Variants in LRIG2 observed in about 807,000 individuals in gnomAD.
LRIG2 encodes the protein leucine rich repeats and immunoglobulin like domains 2.
Under a neutral mutation model 107.8 loss-of-function variants are expected in LRIG2, and 93 were observed. The ratio of observed to expected loss-of-function variants is 0.86; its 90% CI spans 0.73 to 1.03. LRIG2 has a LOEUF of 1.03. LRIG2 is among the 50% of genes least tolerant of loss of function. LRIG2 has a pLI of 0.00. For synonymous variants in LRIG2, 471 were observed against 470.6 expected (o/e 1.00, Z -0.01); for missense variants, 1,226 against 1,296.0 (o/e 0.95, Z 0.83).
chr1:113,117,487 CT>C (rs374663427), intron 16 of LRIG2, among the ~76,000 whole-genome samples: 1 of 151,864 alleles, frequency 6.6e-6, no homozygotes, highest in Non-Finnish European at 1.5e-5. Flanking sequence ...AGTTCTGACT[CT>C]TTTTTTTGTT....
intron 1 of LRIG2, among the ~76,000 whole-genome samples, chr1:113,074,130 C>A (rs1251658150): frequency 6.6e-6 from 1 of 152,058 alleles, no homozygotes; most frequent in Non-Finnish European, 1.5e-5. Flanking sequence ...GTCCTTAGTT[C>A]GCATGTTGGC....
At chr1:113,109,926 C>T (rs1362928159) in intron 12 of LRIG2, among the ~76,000 whole-genome samples, 1 of 152,112 alleles carries the variant, frequency 6.6e-6, no homozygotes, top group Non-Finnish European at 1.5e-5. Context: ...ACTGATAATG[C>T]TTGAGAAATA....
intron 16 of LRIG2, among the ~76,000 whole-genome samples, chr1:113,118,809 T>C (rs549897088): frequency 6.6e-6 from 1 of 152,186 alleles, no homozygotes; most frequent in South Asian, 2.1e-4. Context: ...GGACTACCGG[T>C]GCACGCCACC....
At chr1:113,086,994 A>G (rs1375370168) in intron 1 of LRIG2, among the ~76,000 whole-genome samples, 1 of 152,224 alleles carries the variant, frequency 6.6e-6, no homozygotes, top group African/African-American at 2.4e-5. Context: ...AACAGAATAA[A>G]TTAGCTGGGC....
rs1654060809 is a variant in LRIG2, at chr1:113,096,252, G to A, written c.978G>A (p.Leu326=). The change falls in exon 8 of 18, where the codon CTG becomes CTA. Residue 326 remains leucine (L), a synonymous_variant. Coordinates refer to ENST00000361127, the MANE Select transcript of LRIG2 (RefSeq NM_014813.3). ...TGTCCTATAACCAGCTGACCCGCCT[G>A]GATGAATCTGCCTTTGTGGGTCTGA... The part of the protein sequence containing the change: ...LDLSYNQLTR[L]DESAFVGLSL... The A allele has an allele frequency of 3.1e-6, 5 of 1,614,146 alleles. No homozygotes were observed. In the East Asian group the frequency reaches 8.9e-5, roughly 29 times the overall value.
In LRIG2 at chr1:113,110,427, G is replaced by C. The variant is rs1380349003; in HGVS notation, c.1663G>C (p.Ala555Pro). 1 of 1,614,072 alleles carries C rather than the reference G, an allele frequency of 6.2e-7. No individual in the cohort carries two copies. Among genetic ancestry groups the C allele is most frequent in the Non-Finnish European group, 8.5e-7 (1 of 1,180,028 alleles). ...TENFVRYWQQ[A>P]GEALEYTSIL... ...GAATTTTGTTCGTTATTGGCAGCAA[G>C]CTGGAGAAGCTCTGGAATATACTAG... The change falls in exon 13 of 18, where the codon GCT (alanine) becomes CCT (proline). Residue 555 changes from alanine (A) to proline (P), a missense_variant. Physicochemically the swap from Ala to Pro is conservative, Grantham distance 27. This residue lies in a region of LRIG2 where 642 missense variants were observed against 712.2 expected (regional missense o/e 0.90). Transcript: ENST00000361127.
At chr1:113,112,875 A>G in intron 14 of LRIG2, 115 bp downstream of exon 14, 1 of 1,023,902 alleles carries the variant, frequency 9.8e-7, no homozygotes, top group Non-Finnish European at 1.4e-6. Flanking sequence ...TTAGATCTTT[A>G]TCTTATTTCA....
At chr1:113,115,291 T>C (rs1654956039) in intron 15 of LRIG2, among the ~76,000 whole-genome samples, 1 of 152,328 alleles carries the variant, frequency 6.6e-6, no homozygotes, top group African/African-American at 2.4e-5. Flanking sequence ...CATGGCTCAC[T>C]GCAGCGTTGA....
rs769970030 is a variant in LRIG2, at chr1:113,119,396, A to T, written c.2844A>T (p.Val948=). 1.9e-6 allele frequency: 3 copies of T among 1,614,106 alleles called. No individual in the cohort carries two copies. Among genetic ancestry groups the T allele is most frequent in the Non-Finnish European group, 2.5e-6 (3 of 1,180,036 alleles). Residue 948 remains valine (V), a synonymous_variant, in exon 17 of 18, where the codon GTA becomes GTT. Transcript: ENST00000361127. ...AAATGCCTAAAGAGACATATTTAGT[A>T]CATCCTCCCCAGGATACTACTGCCC... ...MVQMPKETYL[V]HPPQDTTALE...
rs1654046534 is a variant in LRIG2 at position 113,095,958 on chromosome 1, G to A, written c.888G>A (p.Gln296=). 1.9e-6 allele frequency: 3 copies of A among 1,614,218 alleles called. No individual in the cohort carries two copies. The highest frequency in any genetic ancestry group is 1.6e-4 in the Middle Eastern group (1 of 6,062). ...TGTTACAGCAGCTCTATGTGAGCCA[G>A]AATGCTATTGAAAGAATCAGCCCTG... ...LRMLQQLYVS[Q]NAIERISPDA... Residue 296 remains glutamine, a synonymous_variant, in exon 7 of 18, where the codon CAG becomes CAA. Coordinates refer to ENST00000361127, the MANE Select transcript of LRIG2 (RefSeq NM_014813.3).
chr1:113,101,140 G>A (rs1163426581), intron 11 of LRIG2, among the ~76,000 whole-genome samples: 3 of 151,904 alleles, frequency 2.0e-5, no homozygotes, highest in Non-Finnish European at 2.9e-5. Context: ...GTGCGATCTC[G>A]GCCCACTGCA....
intron 1 of LRIG2, among the ~76,000 whole-genome samples, chr1:113,088,965 C>A (rs187616902): frequency 6.6e-4 from 101 of 152,182 alleles, no homozygotes; most frequent in African/African-American, 2.0e-3. Flanking sequence ...TGAGCTGATA[C>A]CTTGTGCCAG....
rs1201823834 is a variant in LRIG2, at chr1:113,073,664, CAG to C, written c.239+22_239+23del. 3 of 1,597,790 alleles carry C rather than the reference CAG, an allele frequency of 1.9e-6. No homozygotes were observed. Among genetic ancestry groups the C allele is most frequent in the South Asian group, 1.1e-5 (1 of 90,616 alleles). On this transcript the variant is annotated intron_variant, in intron 1 of 17. Transcript: ENST00000361127. ...CTATCCTGTGAGTAGAGCGGCCAGG[CAG>C]AGTGACCAAAAGGAGGGGGAGCCTT...
rs139313157 is a variant in LRIG2 at position 113,112,671 on chromosome 1, A to T, written c.1991A>T (p.Asn664Ile). Residue 664 changes from asparagine (N) to isoleucine (I), a missense_variant, in exon 14 of 18, where the codon AAT becomes ATT. Physicochemically the swap from Asn to Ile is moderately radical, Grantham distance 149. Transcript: ENST00000361127. ...GAGGATGACGTCTTCTTTATTGCCA[A>T]TGTGAAAATAGAAGATATGGGAATC... Reference protein sequence around the residue: ...MPEDDVFFIANVKIEDMGIYS... With the variant: ...MPEDDVFFIAIVKIEDMGIYS... 6.2e-7 allele frequency: 1 copy of T among 1,614,096 alleles called. No individual in the cohort carries two copies. Among genetic ancestry groups the T allele is most frequent in the Non-Finnish European group, 8.5e-7 (1 of 1,179,984 alleles).
chr1:113,122,146 G>A (rs1216797), intron 17 of LRIG2, among the ~76,000 whole-genome samples: 115,204 of 147,716 alleles, frequency 0.78, 45,786 homozygotes, highest in East Asian at 0.94. Flanking sequence ...GCAGTGGCAC[G>A]ATCTCGGCTC....
intron 12 of LRIG2, among the ~76,000 whole-genome samples, chr1:113,108,955 C>T (rs61817894): frequency 0.11 from 16,252 of 152,100 alleles, 1,179 homozygotes; most frequent in East Asian, 0.21. Flanking sequence ...ATCAGTGTAT[C>T]TATGTTGGAT....
At position 113,127,380 on chromosome 1, in the gene LRIG2, G is replaced by GCTTT. The variant is rs1409248668; in HGVS notation, c.*3280_*3283dup. ...GATTACAGGCACACCACCATTTCCA[G>GCTTT]CTTTTTTTTTTTTTTTTTTTTTGAT... On this transcript the variant is annotated 3_prime_UTR_variant, in exon 18 of 18. Transcript: ENST00000361127. The GCTTT allele has an allele frequency of 1.0e-4, 7 of 70,172 alleles. No individual in the cohort carries two copies. The highest frequency in any genetic ancestry group is 3.3e-4 in the African/African-American group (7 of 21,528). 4.3% of individuals were successfully genotyped at this position (70,172 alleles called of 1,614,324 possible).
intron 1 of LRIG2, among the ~76,000 whole-genome samples, chr1:113,083,612 C>T (rs1182765009): frequency 6.6e-6 from 1 of 151,718 alleles, no homozygotes; most frequent in Admixed American, 6.6e-5. Flanking sequence ...ATCCAAAGTG[C>T]TGGGATTACA....
At position 113,096,372 on chromosome 1, in the gene LRIG2, A is replaced by G; in HGVS notation, c.1091+7A>G. 6.2e-7 allele frequency: 1 copy of G among 1,608,268 alleles called. No homozygotes were observed. Among genetic ancestry groups the G allele is most frequent in the Non-Finnish European group, 8.5e-7 (1 of 1,178,172 alleles). ...TTTCCAATCTTCAGACATTGTAAGTATATCCATTCTCCTTTTTGGTTGTTG... is the reference window on the plus strand; with the variant it reads ...TTTCCAATCTTCAGACATTGTAAGTGTATCCATTCTCCTTTTTGGTTGTTG... On this transcript the variant is annotated splice_region_variant and intron_variant, in intron 8 of 17. Coordinates refer to ENST00000361127, the MANE Select transcript of LRIG2 (RefSeq NM_014813.3).
Sources: gnomAD v4.1 joint callset for allele counts (sites outside exome capture counted in the v4.1 genomes callset) on GRCh38, gnomAD v4.1.1 for gene constraint, gnomAD v4.1.1 regional missense constraint, MANE v1.5 for transcripts, NCBI Gene and HGNC (gene_info 2026-07-23, HGNC 2026-07-21) for gene names.